Variants in LRP1B observed in about 807,000 individuals in gnomAD.
The protein encoded by LRP1B is LDL receptor related protein 1B.
In LRP1B, 217 loss-of-function variants were observed where a neutral mutation model predicts 556.6. That is an observed-to-expected ratio of 0.39 (90% CI 0.35 to 0.44). The LOEUF (loss-of-function observed/expected upper bound fraction) is 0.44. LRP1B is among the 20% of genes least tolerant of loss of function. The pLI is 1.00. For missense variants in LRP1B, 5,053 were observed against 5,620.8 expected, an observed-to-expected ratio of 0.90 and a Z score of 3.23; for synonymous variants, 2,047 against 1,865.8, an observed-to-expected ratio of 1.10 and a Z score of -2.50.
chr2:140,310,771 GT>G (rs748726039), intron 83 of LRP1B, among the ~76,000 whole-genome samples: 3 of 151,730 alleles, frequency 2.0e-5, no homozygotes, highest in Non-Finnish European at 4.4e-5. Flanking sequence ...AAATTTAAAT[GT>G]AAGAACTGAA....
intron 1 of LRP1B, among the ~76,000 whole-genome samples, chr2:142,023,895 T>G (rs534679484): frequency 6.6e-6 from 1 of 152,324 alleles, no homozygotes; most frequent in South Asian, 2.1e-4. Flanking sequence ...CTTTTCCCTC[T>G]AGTTTTGCTT....
chr2:140,450,427 T>A, intron 63 of LRP1B, 141 bp downstream of exon 63: 1 of 670,472 alleles, frequency 1.5e-6, no homozygotes, highest in South Asian at 1.7e-5. Flanking sequence ...ATCTTACTTT[T>A]AAAGAATGGC....
At chr2:141,527,034 T>C (rs570000489) in intron 2 of LRP1B, among the ~76,000 whole-genome samples, 8 of 152,202 alleles carry the variant, frequency 5.3e-5, no homozygotes, top group African/African-American at 1.9e-4. Flanking sequence ...TTTTCATATG[T>C]TTCAAGTGAC....
chr2:140,894,053 T>C (rs976691983), intron 23 of LRP1B, among the ~76,000 whole-genome samples: 2 of 152,154 alleles, frequency 1.3e-5, no homozygotes, highest in African/African-American at 4.8e-5. Flanking sequence ...TGGAAACTGA[T>C]ATGTAAATGT....
intron 3 of LRP1B, among the ~76,000 whole-genome samples, chr2:141,358,501 G>C (rs1688705615): frequency 6.6e-6 from 1 of 152,166 alleles, no homozygotes; most frequent in African/African-American, 2.4e-5. Context: ...ACCCTGAAAG[G>C]AGAATGGAGA....
intron 3 of LRP1B, among the ~76,000 whole-genome samples, chr2:141,285,029 T>G (rs1573753774): frequency 6.6e-6 from 1 of 152,164 alleles, no homozygotes; most frequent in African/African-American, 2.4e-5. Context: ...CTTCACTAAA[T>G]TCACATATTA....
At chr2:141,509,296 T>C (rs527968087) in intron 2 of LRP1B, among the ~76,000 whole-genome samples, 5 of 152,186 alleles carry the variant, frequency 3.3e-5, no homozygotes, top group Admixed American at 1.3e-4. Flanking sequence ...TTATTTAACA[T>C]TGGGGTTGGG....
chr2:141,532,920 A>T lies in LRP1B; in HGVS notation c.206-52387T>A, dbSNP rs905785356. On this transcript the variant is annotated intron_variant, in intron 2 of 90. Coordinates refer to ENST00000389484, the MANE Select transcript of LRP1B (RefSeq NM_018557.3). ...AGAATCGCTTGAACTCCGGAGGCAGAGGTTGCAGTGAGCTGAGATTGGGCC... is the reference window on the plus strand; with the variant it reads ...AGAATCGCTTGAACTCCGGAGGCAGTGGTTGCAGTGAGCTGAGATTGGGCC... 5.3e-5 allele frequency among the ~76,000 whole-genome samples: 8 copies of T among 152,318 alleles called. No homozygotes were observed. The East Asian group carries it at 1.5e-3, about 29-fold the overall frequency.
intron 1 of LRP1B, among the ~76,000 whole-genome samples, chr2:141,889,569 T>C (rs1420514886): frequency 3.9e-5 from 6 of 152,170 alleles, no homozygotes; most frequent in Non-Finnish European, 7.4e-5. Context: ...ATTATGCCTC[T>C]ATATATTGTG....
At position 141,861,520 on chromosome 2, in the gene LRP1B, T is replaced by C. The variant is rs143978699; in HGVS notation, c.83-51119A>G. Among the ~76,000 whole-genome samples, 942 of 152,332 alleles carry C rather than the reference T, an allele frequency of 6.2e-3. 5 individuals carry two copies. Among genetic ancestry groups the C allele is most frequent in the Non-Finnish European group, 8.3e-3 (567 of 68,022 alleles). On this transcript the variant is annotated intron_variant, in intron 1 of 90. Coordinates refer to ENST00000389484, the MANE Select transcript of LRP1B (RefSeq NM_018557.3). ...TTTGTTACTGCCATTATCAGAGCTT[T>C]GGTCACCAACATGTAGGCACTCAAA...
intron 35 of LRP1B, among the ~76,000 whole-genome samples, chr2:140,765,671 C>G (rs1324103672): frequency 6.6e-6 from 1 of 151,914 alleles, no homozygotes; most frequent in Non-Finnish European, 1.5e-5. Flanking sequence ...ATTGCTTCAT[C>G]TGGTAGAAAA....
chr2:141,893,795 A>G (rs1433372185), intron 1 of LRP1B, among the ~76,000 whole-genome samples: 1 of 152,222 alleles, frequency 6.6e-6, no homozygotes, highest in Non-Finnish European at 1.5e-5. Flanking sequence ...TTTACTTTGA[A>G]TGAACCAATA....
chr2:141,776,391 G>A (rs1252857280), intron 2 of LRP1B, among the ~76,000 whole-genome samples: 1 of 152,198 alleles, frequency 6.6e-6, no homozygotes, highest in Admixed American at 6.5e-5. Context: ...CTTGCTAAGT[G>A]CTGCGACACT....
chr2:140,431,647 G>T (rs1422081824), intron 66 of LRP1B, among the ~76,000 whole-genome samples: 2 of 152,156 alleles, frequency 1.3e-5, no homozygotes, highest in East Asian at 3.9e-4. Flanking sequence ...TCTCTAATTA[G>T]ATGTCCTGGG....
At chr2:140,417,024 C>T (rs1685231780) in intron 66 of LRP1B, among the ~76,000 whole-genome samples, 1 of 152,186 alleles carries the variant, frequency 6.6e-6, no homozygotes, top group South Asian at 2.1e-4. Context: ...AAAATACTCG[C>T]TTTGTATAAC....
At position 142,064,463 on chromosome 2, in the gene LRP1B, A is replaced by C. The variant is rs181932680; in HGVS notation, c.82+66185T>G. On this transcript the variant is annotated intron_variant, in intron 1 of 90. Transcript: ENST00000389484. ...ATTATTCTAGCTCATTAGCTGTTTA[A>C]TTGGAAGGCATAACAGTGAATCTAT... Among the ~76,000 whole-genome samples, 546 of 151,696 alleles carry C rather than the reference A, an allele frequency of 3.6e-3. 8 individuals are homozygous for C. The highest frequency in any genetic ancestry group is 0.027 in the Middle Eastern group (8 of 294).
At chr2:141,819,280 C>T (rs954011712) in intron 1 of LRP1B, among the ~76,000 whole-genome samples, 3 of 151,928 alleles carry the variant, frequency 2.0e-5, no homozygotes, top group Non-Finnish European at 4.4e-5. Context: ...AAAAACTTTC[C>T]CAGTGAACTT....
intron 23 of LRP1B, among the ~76,000 whole-genome samples, chr2:140,894,465 T>C (rs1482243297): frequency 6.6e-6 from 1 of 151,272 alleles, no homozygotes; most frequent in East Asian, 1.9e-4. Context: ...AATTAAGACA[T>C]GGAGAGAGAA....
At chr2:141,601,504 T>C (rs1687736942) in intron 2 of LRP1B, among the ~76,000 whole-genome samples, 1 of 152,218 alleles carries the variant, frequency 6.6e-6, no homozygotes, top group Non-Finnish European at 1.5e-5. Flanking sequence ...TAACGTTAAC[T>C]GTAGGCCTTC....
Sources: gnomAD v4.1 joint callset for allele counts (sites outside exome capture counted in the v4.1 genomes callset) on GRCh38, gnomAD v4.1.1 for gene constraint, MANE v1.5 for transcripts, NCBI Gene and HGNC (gene_info 2026-07-23, HGNC 2026-07-21) for gene names.